PGBD5: variants seen among roughly 807,000 people sequenced by gnomAD.
PGBD5 encodes the protein piggyBac transposable element-derived protein 5.
In PGBD5, 14 loss-of-function variants were observed where a neutral mutation model predicts 47.9. The ratio of observed to expected loss-of-function variants is 0.29; its 90% CI spans 0.19 to 0.46. PGBD5 has a LOEUF of 0.46. Ranked by LOEUF, PGBD5 falls within the 20% of genes least tolerant of loss-of-function variation. The pLI, the probability that PGBD5 is intolerant of heterozygous loss-of-function variation, is 1.00. For synonymous variants in PGBD5, 316 were observed against 306.3 expected (o/e 1.03, Z -0.33); for missense variants, 635 against 716.0 (o/e 0.89, Z 1.29).
chr1:230,396,680 G>C (rs1438536338), intron 1 of PGBD5, among the ~76,000 whole-genome samples: 1 of 148,880 alleles, frequency 6.7e-6, no homozygotes, highest in Non-Finnish European at 1.5e-5. Context: ...GGGCATCATA[G>C]GAAGGGCCTG....
chr1:230,359,892 T>C (rs1667717014), intron 1 of PGBD5, among the ~76,000 whole-genome samples: 1 of 152,202 alleles, frequency 6.6e-6, no homozygotes, highest in Non-Finnish European at 1.5e-5. Flanking sequence ...CAACCATTTT[T>C]TGGGCACCAA....
intron 5 of PGBD5, 23 bp downstream of exon 5, chr1:230,332,821 G>C: frequency 6.2e-7 from 1 of 1,613,962 alleles, no homozygotes; most frequent in Non-Finnish European, 8.5e-7. Context: ...GCCCCACTGT[G>C]TCAATGGCGG....
At chr1:230,403,962 GA>G (rs539860127) in intron 1 of PGBD5, among the ~76,000 whole-genome samples, 17 of 150,790 alleles carry the variant, frequency 1.1e-4, no homozygotes, top group Admixed American at 1.3e-4. Context: ...TACAGAGGAG[GA>G]AAAAAAAAGA....
At chr1:230,333,307 C>G (rs1284888829) in intron 4 of PGBD5, among the ~76,000 whole-genome samples, 1 of 152,160 alleles carries the variant, frequency 6.6e-6, no homozygotes, top group Non-Finnish European at 1.5e-5. Flanking sequence ...GGCTACAGCA[C>G]AAGCAATGGA....
intron 1 of PGBD5, among the ~76,000 whole-genome samples, chr1:230,415,082 T>A (rs1657485651): frequency 6.6e-6 from 1 of 152,060 alleles, no homozygotes; most frequent in South Asian, 2.1e-4. Context: ...TTAGGCAACA[T>A]AGTGAGACCT....
At chr1:230,355,426 C>G (rs77892403) in intron 2 of PGBD5, among the ~76,000 whole-genome samples, 4,516 of 152,318 alleles carry the variant, frequency 0.03, 204 homozygotes, top group African/African-American at 0.1. Flanking sequence ...GGCACCTCTC[C>G]AAATGTTTGA....
At position 230,323,695 on chromosome 1, in the gene PGBD5, T is replaced by C. The variant is rs1667073108; in HGVS notation, c.1380-75A>G. ...GGAGATGCATCCCAAAGGCCCCCCC[T>C]CACCACAGCCCGTGAGACGCTGCAG... On this transcript the variant is annotated intron_variant, in intron 6 of 6. Coordinates refer to ENST00000391860, the MANE Select transcript of PGBD5 (RefSeq NM_001258311.2). The surrounding 1 kb of genome is among the most constrained non-coding windows in gnomAD (Gnocchi z 4.1). 7.5e-7 allele frequency: 1 copy of C among 1,326,646 alleles called. No individual in the cohort carries two copies. The highest frequency in any genetic ancestry group is 2.0e-5 in the Admixed American group (1 of 50,872). 82.2% of individuals were successfully genotyped at this position (1,326,646 alleles called of 1,614,324 possible).
intron 1 of PGBD5, among the ~76,000 whole-genome samples, chr1:230,364,257 G>C (rs986458368): frequency 2.6e-5 from 4 of 152,246 alleles, no homozygotes; most frequent in Admixed American, 2.6e-4. Flanking sequence ...GATCTGGGTA[G>C]CCAGGTGAAA....
chr1:230,343,413 T>C (rs983271912), intron 3 of PGBD5, among the ~76,000 whole-genome samples: 1 of 152,220 alleles, frequency 6.6e-6, no homozygotes, highest in Non-Finnish European at 1.5e-5. Context: ...GGGCACTTAA[T>C]AAATACTTTA....
chr1:230,419,551 T>C (rs1657602705), intron 1 of PGBD5, among the ~76,000 whole-genome samples: 2 of 151,988 alleles, frequency 1.3e-5, no homozygotes, highest in Non-Finnish European at 2.9e-5. Context: ...CCCCTGAGTC[T>C]AAAATAAAAG....
chr1:230,384,503 C>T (rs1244862335), intron 1 of PGBD5, among the ~76,000 whole-genome samples: 1 of 152,130 alleles, frequency 6.6e-6, no homozygotes, highest in Non-Finnish European at 1.5e-5. Flanking sequence ...CTAACAGTTT[C>T]CTACCTGCTG....
At position 230,426,003 on chromosome 1, in the gene PGBD5, G is replaced by A. The variant is rs1657776066; in HGVS notation, c.-75C>T. ...ACACGCCGGGCCCTGGGCCCGCGCC[G>A]CGGCCCGCCGCCCCCCACCAGCGCA... On this transcript the variant is annotated 5_prime_UTR_variant, in exon 1 of 7. Coordinates refer to ENST00000391860, the MANE Select transcript of PGBD5 (RefSeq NM_001258311.2). 2.8e-6 allele frequency: 2 copies of A among 703,424 alleles called. No homozygotes were observed. Among genetic ancestry groups the A allele is most frequent in the Non-Finnish European group, 1.7e-6 (1 of 577,860 alleles). 43.6% of individuals were successfully genotyped at this position (703,424 alleles called of 1,614,324 possible). A position where few individuals can be genotyped will look rare whatever the true frequency, so the allele number is the denominator to read the frequency against.
At chr1:230,351,169 T>G in intron 2 of PGBD5, 77 bp from the exon 3 acceptor site, 1 of 1,454,250 alleles carries the variant, frequency 6.9e-7, no homozygotes, top group Non-Finnish European at 9.1e-7. Context: ...GAGCTCAAAT[T>G]CAGCCTCTGC....
chr1:230,315,779 C>T lies in PGBD5; in HGVS notation c.*7646G>A, dbSNP rs12729971. On this transcript the variant is annotated 3_prime_UTR_variant, in exon 7 of 7. Coordinates refer to ENST00000391860, the MANE Select transcript of PGBD5 (RefSeq NM_001258311.2). ...CACATACATATATTATAGATGTATG[C>T]ATATATGTATATATGTATACATATA... The T allele has an allele frequency of 8.8e-6, 1 of 114,234 alleles. No individual in the cohort carries two copies. Among genetic ancestry groups the T allele is most frequent in the Non-Finnish European group, 1.9e-5 (1 of 51,582 alleles). The allele number at this position is 114,234 out of a possible 1,614,324, so 7.1% of individuals were successfully genotyped here. A position where few individuals can be genotyped will look rare whatever the true frequency, so the allele number is the denominator to read the frequency against.
chr1:230,390,051 T>A (rs973881629), intron 1 of PGBD5, among the ~76,000 whole-genome samples: 2 of 152,172 alleles, frequency 1.3e-5, no homozygotes, highest in African/African-American at 4.8e-5. Context: ...GCTCTGGAGT[T>A]AGAGGCTGCC....
At chr1:230,327,498 T>C (rs1667140044) in intron 5 of PGBD5, among the ~76,000 whole-genome samples, 1 of 152,222 alleles carries the variant, frequency 6.6e-6, no homozygotes. Context: ...GAAATTGAGC[T>C]GCCAAGGCCT....
At chr1:230,362,187 C>A in intron 1 of PGBD5, 1 of 1,287,246 alleles carries the variant, frequency 7.8e-7, no homozygotes, top group South Asian at 1.3e-5. Flanking sequence ...CTCTGCTGCA[C>A]GAGAGGGTGG....
At chr1:230,375,502 G>A (rs922843482) in intron 1 of PGBD5, among the ~76,000 whole-genome samples, 16 of 152,108 alleles carry the variant, frequency 1.1e-4, no homozygotes, top group African/African-American at 3.9e-4. Context: ...AACCCAGAAT[G>A]CAGCTGAAAT....
chr1:230,405,366 C>A (rs12045894), intron 1 of PGBD5, among the ~76,000 whole-genome samples: 12,084 of 152,170 alleles, frequency 0.079, 876 homozygotes, highest in East Asian at 0.27. Flanking sequence ...CCTTCTCAAC[C>A]TGAAGAAGGC....
Sources: gnomAD v4.1 joint callset for allele counts (sites outside exome capture counted in the v4.1 genomes callset) on GRCh38, gnomAD v4.1.1 for gene constraint, Gnocchi (gnomAD v3.1) non-coding constraint, MANE v1.5 for transcripts, NCBI Gene and HGNC (gene_info 2026-07-23, HGNC 2026-07-21) for gene names.